Variants in TSN observed in about 807,000 individuals in gnomAD.
TSN encodes translin.
In TSN, 5 loss-of-function variants were observed where a neutral mutation model predicts 29.4. The ratio of observed to expected loss-of-function variants is 0.17; its 90% CI spans 0.09 to 0.36. TSN has a LOEUF of 0.36. TSN is among the 10% of genes least tolerant of loss of function. The probability of loss-of-function intolerance (pLI) is 1.00; values close to 1 mark genes in which losing one functional copy is unlikely to be tolerated. For missense variants in TSN, 159 were observed against 272.8 expected (o/e 0.58, Z 2.94); for synonymous variants, 106 against 102.2 (o/e 1.04, Z -0.23).
chr2:121,761,759 T>C (rs2074831500), intron 4 of TSN, among the ~76,000 whole-genome samples: 1 of 152,180 alleles, frequency 6.6e-6, no homozygotes, highest in Non-Finnish European at 1.5e-5. Flanking sequence ...ATACACATTC[T>C]CCCACATACT....
chr2:121,763,357 G>T (rs2074858045), intron 5 of TSN, among the ~76,000 whole-genome samples: 1 of 152,082 alleles, frequency 6.6e-6, no homozygotes, highest in Admixed American at 6.6e-5. Context: ...GTGTTAGCCA[G>T]GATGGTCTCG....
chr2:121,764,807 A>C (rs780796016), intron 5 of TSN, among the ~76,000 whole-genome samples: 2 of 152,112 alleles, frequency 1.3e-5, no homozygotes, highest in Non-Finnish European at 2.9e-5. Flanking sequence ...TGCTGTGATT[A>C]TTTTGTCGTT....
chr2:121,757,992 T>C (rs1231322397), intron 2 of TSN, among the ~76,000 whole-genome samples: 1 of 152,048 alleles, frequency 6.6e-6, no homozygotes, highest in African/African-American at 2.4e-5. Context: ...TTTTGTGTTA[T>C]CTAGTGACTT....
chr2:121,758,640 T>A lies in TSN; in HGVS notation c.161-70T>A, dbSNP rs373176235. 17 of 1,154,282 alleles carry A rather than the reference T, an allele frequency of 1.5e-5. No homozygotes were observed. The African/African-American group carries it at 1.6e-4, about 11-fold the overall frequency. The allele number at this position is 1,154,282 out of a possible 1,614,324, so 71.5% of individuals were successfully genotyped here. ...GTTGATTAATTTCCAGATAGATTAC[T>A]TAGATTATTAAGCAAGAACTGTATT... On this transcript the variant is annotated intron_variant, in intron 2 of 5. Transcript: ENST00000389682.
intron 3 of TSN, 136 bp downstream of exon 3, chr2:121,758,942 A>C: frequency 4.1e-6 from 2 of 489,888 alleles, no homozygotes; most frequent in Non-Finnish European, 6.6e-6. Flanking sequence ...CGAACTAATA[A>C]TGGTCATGAC....
At position 121,755,834 on chromosome 2, in the gene TSN, G is replaced by C. The variant is rs769085181; in HGVS notation, c.55G>C (p.Asp19His). 2 of 1,614,098 alleles carry C rather than the reference G, an allele frequency of 1.2e-6. No individual in the cohort carries two copies. The highest frequency in any genetic ancestry group is 1.7e-5 in the Admixed American group (1 of 60,028). The change falls in exon 1 of 6, where the codon GAC becomes CAC. Residue 19 changes from aspartate (D) to histidine (H), a missense_variant. Transcript: ENST00000389682. ...GCAGGGCTTTTTGGCTGCCGAGCAGGACATCCGAGAGGCGAGCCCCCTCCC... is the reference window on the plus strand; with the variant it reads ...GCAGGGCTTTTTGGCTGCCGAGCAGCACATCCGAGAGGCGAGCCCCCTCCC... ...ELQGFLAAEQDIREEIRKVVQ... is the reference protein window; with the variant it reads ...ELQGFLAAEQHIREEIRKVVQ...
In TSN at chr2:121,765,440, C is replaced by T. The variant is rs1048259102; in HGVS notation, c.*73C>T. ...AGGGGTGAGCACAGAGTGCCTCTTACGGTAGTTAGGATGCTCAGTTGCTAA... is the reference window on the plus strand; with the variant it reads ...AGGGGTGAGCACAGAGTGCCTCTTATGGTAGTTAGGATGCTCAGTTGCTAA... On this transcript the variant is annotated 3_prime_UTR_variant, in exon 6 of 6. Coordinates refer to ENST00000389682, the MANE Select transcript of TSN (RefSeq NM_004622.3). 1.1e-5 allele frequency: 15 copies of T among 1,381,590 alleles called. No individual in the cohort carries two copies. Among genetic ancestry groups the T allele is most frequent in the Middle Eastern group, 2.0e-4 (1 of 5,060 alleles). 85.6% of individuals were successfully genotyped at this position (1,381,590 alleles called of 1,614,324 possible).
intron 2 of TSN, 194 bp downstream of exon 2, chr2:121,757,527 A>C: frequency 9.3e-7 from 1 of 1,078,262 alleles, no homozygotes; most frequent in Non-Finnish European, 1.3e-6. Context: ...GATGTTTTCT[A>C]TTGCGAGGGC....
rs1012480406 is a variant in TSN, at chr2:121,758,740, A to G, written c.191A>G (p.His64Arg). 2 of 1,588,524 alleles carry G rather than the reference A, an allele frequency of 1.3e-6. No homozygotes were observed. The highest frequency in any genetic ancestry group is 8.6e-7 in the Non-Finnish European group (1 of 1,169,482). ...IPKRCLKARE[H>R]FGTVKTHLTS... is the part of the protein sequence containing the mutation. ...AAGAGGTGTTTGAAAGCTCGAGAAC[A>G]TTTTGGTACAGTAAAAACACATCTA... Residue 64 changes from histidine to arginine, a missense_variant, in exon 3 of 6, where the codon CAT becomes CGT. Around this residue, in one of 3 missense-constraint regions of TSN, gnomAD observed 31 missense variants for 26.1 expected, o/e 1.19. Coordinates refer to ENST00000389682, the MANE Select transcript of TSN (RefSeq NM_004622.3).
At chr2:121,761,274 TTATA>T in intron 3 of TSN, 131 bp from the exon 4 acceptor site, 1 of 634,002 alleles carries the variant, frequency 1.6e-6, no homozygotes, top group South Asian at 2.0e-5. Flanking sequence ...ATATTTCTCT[TTATA>T]TATTGGGGGT....
intron 2 of TSN, chr2:121,757,567 A>AC (rs1196148490): frequency 5.6e-6 from 4 of 717,256 alleles, no homozygotes; most frequent in Non-Finnish European, 8.7e-6. Flanking sequence ...CAATTGCTTA[A>AC]CCCATTTCCT....
At position 121,755,794 on chromosome 2, in the gene TSN, G is replaced by A. The variant is rs779259817; in HGVS notation, c.15G>A (p.Glu5=). The A allele has an allele frequency of 5.0e-6, 8 of 1,613,916 alleles. No homozygotes were observed. The highest frequency in any genetic ancestry group is 1.7e-6 in the Non-Finnish European group (2 of 1,180,042). MSVS[E]IFVELQGFLA... ...CAGCCGGCGCCATGTCTGTGAGCGAGATCTTCGTGGAGCTGCAGGGCTTTT... is the reference window on the plus strand; with the variant it reads ...CAGCCGGCGCCATGTCTGTGAGCGAAATCTTCGTGGAGCTGCAGGGCTTTT... The change falls in exon 1 of 6, where the codon GAG becomes GAA. Residue 5 remains glutamate (E), a synonymous_variant. Transcript: ENST00000389682.
At chr2:121,758,251 A>G (rs1232413173) in intron 2 of TSN, among the ~76,000 whole-genome samples, 2 of 152,240 alleles carry the variant, frequency 1.3e-5, no homozygotes, top group African/African-American at 4.8e-5. Flanking sequence ...ATTTTCAGAT[A>G]CAAGAATGAT....
rs367658927 is a variant in TSN, at chr2:121,757,314, G to A, written c.141G>A (p.Gln47=). 9 of 1,614,022 alleles carry A rather than the reference G, an allele frequency of 5.6e-6. No homozygotes were observed. In the African/African-American group the frequency reaches 1.2e-4, roughly 22 times the overall value. ...EILTLLQGVH[Q]GAGFQDIPKR... ...TAACTCTACTGCAAGGGGTCCATCA[G>A]GGTGCTGGGTTTCAGGACAGTAAGT... Residue 47 remains glutamine (Q), a synonymous_variant, in exon 2 of 6, where the codon CAG becomes CAA. Coordinates refer to ENST00000389682, the MANE Select transcript of TSN (RefSeq NM_004622.3).
At chr2:121,761,776 C>A (rs1340917102) in intron 4 of TSN, among the ~76,000 whole-genome samples, 2 of 152,096 alleles carry the variant, frequency 1.3e-5, no homozygotes, top group African/African-American at 4.8e-5. Context: ...TACTTTAAAT[C>A]ATCTCTAGAT....
At chr2:121,765,001 C>T in intron 5 of TSN, 133 bp from the exon 6 acceptor site, 1 of 780,342 alleles carries the variant, frequency 1.3e-6, no homozygotes, top group Non-Finnish European at 2.2e-6. Context: ...CTTGTCTGTA[C>T]TTGTGTGTAC....
intron 3 of TSN, 30 bp from the exon 4 acceptor site, chr2:121,761,379 T>C (rs1237685881): frequency 2.6e-6 from 4 of 1,551,222 alleles, no homozygotes; most frequent in Non-Finnish European, 3.6e-6. Context: ...TCCCTAACCT[T>C]GGAGGCTAAA....
At chr2:121,757,624 G>A in intron 2 of TSN, 1 of 373,994 alleles carries the variant, frequency 2.7e-6, no homozygotes, top group Non-Finnish European at 4.8e-6. Flanking sequence ...GTATTCTCAG[G>A]GTAAGCGGGA....
chr2:121,761,293 G>A, intron 3 of TSN, 116 bp from the exon 4 acceptor site: 3 of 716,038 alleles, frequency 4.2e-6, no homozygotes, highest in South Asian at 3.4e-5. Flanking sequence ...GGGGGTTTGT[G>A]TAAGATTTTA....
Sources: allele counts gnomAD v4.1 joint callset (sites outside exome capture counted in the v4.1 genomes callset), GRCh38; gene constraint gnomAD v4.1.1; regional missense constraint gnomAD v4.1.1; transcripts MANE v1.5; gene names NCBI Gene and HGNC (gene_info 2026-07-23, HGNC 2026-07-21).